GULP1: variants seen among roughly 807,000 people sequenced by gnomAD.
The protein encoded by GULP1 is PTB domain-containing engulfment adapter protein 1.
A neutral mutation model predicts 40.9 loss-of-function variants in GULP1; 19 were observed. The ratio of observed to expected loss-of-function variants is 0.46; its 90% CI spans 0.32 to 0.68. The LOEUF is 0.68. Among genes scored for constraint, GULP1 ranks in the 30% least tolerant of loss-of-function variants. GULP1 has a pLI of 0.03. For synonymous variants in GULP1, 119 were observed against 117.6 expected (o/e 1.01, Z -0.08); for missense variants, 312 against 362.2 (o/e 0.86, Z 1.12).
chr2:188,361,739 T>C (rs1407175457), intron 1 of GULP1, among the ~76,000 whole-genome samples: 3 of 152,084 alleles, frequency 2.0e-5, no homozygotes, highest in East Asian at 3.9e-4. Context: ...TTTAATGACC[T>C]GGTTTAGAAA....
At position 188,595,615 on chromosome 2, in the gene GULP1, C is replaced by A. The variant is rs1282035902; in HGVS notation, c.*1604C>A. ...AAGCCATATAAGTGGCTTTTTTTAACAGATAGAATTTGTATTTTTATTGTA... is the reference window on the plus strand; with the variant it reads ...AAGCCATATAAGTGGCTTTTTTTAAAAGATAGAATTTGTATTTTTATTGTA... On this transcript the variant is annotated 3_prime_UTR_variant, in exon 12 of 12. Transcript: ENST00000409830. 6.6e-6 allele frequency: 1 copy of A among 151,854 alleles called. No individual in the cohort carries two copies. Among genetic ancestry groups the A allele is most frequent in the Non-Finnish European group, 1.5e-5 (1 of 67,638 alleles). 9.4% of individuals were successfully genotyped at this position (151,854 alleles called of 1,614,324 possible). A position where few individuals can be genotyped will look rare whatever the true frequency, so the allele number is the denominator to read the frequency against.
chr2:188,532,242 T>A (rs1687737812), intron 6 of GULP1, among the ~76,000 whole-genome samples: 2 of 152,354 alleles, frequency 1.3e-5, no homozygotes, highest in South Asian at 4.1e-4. Context: ...ATGGAATGTT[T>A]CAAATTTTTT....
intron 4 of GULP1, among the ~76,000 whole-genome samples, chr2:188,502,632 T>G (rs993830483): frequency 6.6e-6 from 1 of 151,842 alleles, no homozygotes; most frequent in Admixed American, 6.6e-5. Flanking sequence ...TGACACAGAG[T>G]AGGTGACTAA....
intron 1 of GULP1, among the ~76,000 whole-genome samples, chr2:188,302,670 C>G (rs1222797582): frequency 2.0e-5 from 3 of 152,210 alleles, no homozygotes; most frequent in Non-Finnish European, 4.4e-5. Flanking sequence ...AAATCCTGGT[C>G]AGGCTCTTGT....
intron 2 of GULP1, among the ~76,000 whole-genome samples, chr2:188,441,535 C>T (rs1348550316): frequency 6.6e-6 from 1 of 152,136 alleles, no homozygotes. Flanking sequence ...AGCCTTCTTA[C>T]TTGGCTTCTG....
intron 1 of GULP1, among the ~76,000 whole-genome samples, chr2:188,328,909 T>G (rs1482504674): frequency 6.6e-6 from 1 of 152,178 alleles, no homozygotes; most frequent in African/African-American, 2.4e-5. Flanking sequence ...TAAACATACC[T>G]TCTTTTCCAC....
chr2:188,590,077 A>T (rs1160867725), intron 11 of GULP1: 1 of 166,214 alleles, frequency 6.0e-6, no homozygotes. Flanking sequence ...GGCTCAAGCA[A>T]TCTTCCCTCC....
intron 4 of GULP1, among the ~76,000 whole-genome samples, chr2:188,484,964 A>G (rs147656131): frequency 1.2e-4 from 18 of 152,264 alleles, no homozygotes; most frequent in African/African-American, 4.3e-4. Context: ...ACTGAATGAG[A>G]AAAATTGTTT....
intron 4 of GULP1, among the ~76,000 whole-genome samples, chr2:188,506,215 T>A (rs1364693801): frequency 6.6e-6 from 1 of 151,896 alleles, no homozygotes; most frequent in Non-Finnish European, 1.5e-5. Context: ...AATGTAAGTA[T>A]TCATTTTATG....
At chr2:188,496,015 A>G (rs1160924301) in intron 4 of GULP1, among the ~76,000 whole-genome samples, 1 of 152,048 alleles carries the variant, frequency 6.6e-6, no homozygotes, top group East Asian at 2.0e-4. Flanking sequence ...GATTTGCACA[A>G]TCCCCCTCTC....
intron 9 of GULP1, among the ~76,000 whole-genome samples, chr2:188,578,787 A>G (rs1396766816): frequency 1.3e-5 from 2 of 152,134 alleles, no homozygotes; most frequent in South Asian, 2.1e-4. Flanking sequence ...GGACAATCCA[A>G]AAAATTTGGT....
intron 1 of GULP1, among the ~76,000 whole-genome samples, chr2:188,351,053 T>C (rs1012062533): frequency 3.9e-5 from 6 of 152,128 alleles, no homozygotes; most frequent in African/African-American, 1.4e-4. Context: ...ATTAGGACTA[T>C]GGAAAAGGCA....
intron 4 of GULP1, among the ~76,000 whole-genome samples, chr2:188,492,364 C>T (rs970333699): frequency 6.6e-6 from 1 of 151,988 alleles, no homozygotes; most frequent in Non-Finnish European, 1.5e-5. Context: ...GCAGAAATAA[C>T]CCAGTATAGA....
At chr2:188,438,457 A>G (rs1185276354) in intron 2 of GULP1, among the ~76,000 whole-genome samples, 1 of 150,720 alleles carries the variant, frequency 6.6e-6, no homozygotes, top group Non-Finnish European at 1.5e-5. Context: ...CCAAATTATT[A>G]ATAGTTATAT....
Position 188,424,447 on chromosome 2 carries a change from A to G in GULP1, c.-45+40558A>G, listed in dbSNP as rs371526457. On this transcript the variant is annotated intron_variant, in intron 2 of 11. Coordinates refer to ENST00000409830, the MANE Select transcript of GULP1 (RefSeq NM_016315.4). ...TGTTCATGTATATGCTCATTTTGCA[A>G]CCTTACTCCCAATATTATTTTGATG... Among the ~76,000 whole-genome samples, 214 of 152,032 alleles carry G rather than the reference A, an allele frequency of 1.4e-3. 1 individual carries two copies. The highest frequency in any genetic ancestry group is 1.7e-3 in the African/African-American group (71 of 41,508).
intron 2 of GULP1, among the ~76,000 whole-genome samples, chr2:188,415,387 T>C (rs1218970225): frequency 6.6e-6 from 1 of 152,120 alleles, no homozygotes; most frequent in African/African-American, 2.4e-5. Flanking sequence ...GCTGTACATA[T>C]CTGTCTGTGA....
intron 5 of GULP1, 32 bp downstream of exon 5, chr2:188,522,859 G>C: frequency 1.5e-6 from 2 of 1,310,998 alleles, no homozygotes; most frequent in Non-Finnish European, 2.2e-6. Context: ...AATTACAAGT[G>C]TATTGACTCT....
At chr2:188,425,368 C>T (rs1011463022) in intron 2 of GULP1, among the ~76,000 whole-genome samples, 2 of 145,498 alleles carry the variant, frequency 1.4e-5, no homozygotes, top group African/African-American at 2.8e-5. Flanking sequence ...TGTTACTCTT[C>T]TCATTTTAAT....
chr2:188,376,230 TA>T (rs1450335003), intron 1 of GULP1, among the ~76,000 whole-genome samples: 3 of 152,218 alleles, frequency 2.0e-5, no homozygotes, highest in Non-Finnish European at 4.4e-5. Context: ...ATTAAATCTA[TA>T]AAACACACTA....
Sources: allele counts gnomAD v4.1 joint callset (sites outside exome capture counted in the v4.1 genomes callset), GRCh38; gene constraint gnomAD v4.1.1; transcripts MANE v1.5; gene names NCBI Gene and HGNC (gene_info 2026-07-23, HGNC 2026-07-21).